GAS7: variants seen among roughly 807,000 people sequenced by gnomAD.
GAS7 encodes growth arrest-specific protein 7.
In GAS7, 28 loss-of-function variants were observed where a neutral mutation model predicts 71.1. The ratio of observed to expected loss-of-function variants is 0.39; its 90% CI spans 0.29 to 0.54. The LOEUF (loss-of-function observed/expected upper bound fraction) is 0.54. GAS7 is among the 20% of genes least tolerant of loss of function. The pLI, the probability that GAS7 is intolerant of heterozygous loss-of-function variation, is 0.62. For synonymous variants in GAS7, 258 were observed against 245.8 expected (o/e 1.05, Z -0.46); for missense variants, 436 against 627.8 (o/e 0.69, Z 3.27).
Position 9,974,155 on chromosome 17 carries a change from G to T in GAS7, c.386-4393C>A, listed in dbSNP as rs2070086692. 6.6e-6 allele frequency among the ~76,000 whole-genome samples: 1 copy of T among 152,218 alleles called. No homozygotes were observed. The highest frequency in any genetic ancestry group is 6.5e-5 in the Admixed American group (1 of 15,272). ...CAGCTGATGGCTAATTACTGCTCATGTCAAAACAATTACGAGGAAAGAAAA... is the reference window on the plus strand; with the variant it reads ...CAGCTGATGGCTAATTACTGCTCATTTCAAAACAATTACGAGGAAAGAAAA... On this transcript the variant is annotated intron_variant, in intron 3 of 13. Coordinates refer to ENST00000432992, the MANE Select transcript of GAS7 (RefSeq NM_201433.2). This position sits in a 1 kb window ranked among gnomAD's most constrained non-coding sequence, Gnocchi z 4.0.
At chr17:10,004,551 T>A (rs1015380409) in intron 2 of GAS7, among the ~76,000 whole-genome samples, 5 of 152,130 alleles carry the variant, frequency 3.3e-5, no homozygotes, top group Non-Finnish European at 7.3e-5. Context: ...GCGCTAATGT[T>A]GGACACACAT....
At chr17:10,133,122 A>ATATTT (rs1392845338) in intron 1 of GAS7, among the ~76,000 whole-genome samples, 1 of 118,888 alleles carries the variant, frequency 8.4e-6, no homozygotes, top group East Asian at 2.2e-4. Context: ...ATATTTTTAT[A>ATATTT]TTTTTTTTTT....
rs1186611979 is a variant in GAS7, at chr17:9,919,478, T to A, written c.1218+148A>T. On this transcript the variant is annotated intron_variant, in intron 12 of 13. Coordinates refer to ENST00000432992, the MANE Select transcript of GAS7 (RefSeq NM_201433.2). This position sits in a 1 kb window ranked among gnomAD's most constrained non-coding sequence, Gnocchi z 5.0. ...CTGAATCCACATAAGCTGGCTCACA[T>A]TGAGGTTTCGACCCCAACACTGAAG... 4.2e-5 allele frequency: 30 copies of A among 716,966 alleles called. No individual in the cohort carries two copies. The highest frequency in any genetic ancestry group is 6.7e-5 in the Non-Finnish European group (26 of 390,912). 44.4% of individuals were successfully genotyped at this position (716,966 alleles called of 1,614,324 possible). A position where few individuals can be genotyped will look rare whatever the true frequency, so the allele number is the denominator to read the frequency against.
chr17:10,012,236 A>G (rs2071802725), intron 2 of GAS7, among the ~76,000 whole-genome samples: 1 of 152,182 alleles, frequency 6.6e-6, no homozygotes. Context: ...CTGAATACCT[A>G]TGACTATATT....
intron 5 of GAS7, among the ~76,000 whole-genome samples, chr17:9,955,272 C>T (rs568911971): frequency 6.6e-6 from 1 of 152,176 alleles, no homozygotes; most frequent in East Asian, 1.9e-4. Context: ...TGTCCTCCCC[C>T]CGGTTACATT....
intron 1 of GAS7, among the ~76,000 whole-genome samples, chr17:10,039,204 T>C (rs944318522): frequency 5.4e-5 from 8 of 149,450 alleles, no homozygotes; most frequent in Non-Finnish European, 1.0e-4. Flanking sequence ...GTGGATTTCA[T>C]GTCATGCATA....
intron 1 of GAS7, among the ~76,000 whole-genome samples, chr17:10,137,894 A>G (rs990158569): frequency 1.3e-5 from 2 of 151,952 alleles, no homozygotes; most frequent in Non-Finnish European, 2.9e-5. Flanking sequence ...AGGGAAAGGA[A>G]AGAGTTTTTG....
intron 11 of GAS7, among the ~76,000 whole-genome samples, chr17:9,925,180 C>T (rs902495046): frequency 2.4e-5 from 3 of 124,068 alleles, no homozygotes; most frequent in Non-Finnish European, 3.6e-5. Context: ...GGGGCTTGGG[C>T]GGAAAACAAA....
chr17:10,003,583 C>T (rs1372814888), intron 2 of GAS7, among the ~76,000 whole-genome samples: 1 of 152,212 alleles, frequency 6.6e-6, no homozygotes, highest in Non-Finnish European at 1.5e-5. Flanking sequence ...ACTGACCTCA[C>T]AGAAGCGACT....
At chr17:9,925,678 C>T in intron 10 of GAS7, 79 bp from the exon 11 acceptor site, 2 of 1,501,534 alleles carry the variant, frequency 1.3e-6, no homozygotes, top group African/African-American at 2.8e-5. Context: ...CCCAGCTTCC[C>T]TTTGGAGTCC....
intron 2 of GAS7, among the ~76,000 whole-genome samples, chr17:9,990,119 A>T: frequency 6.6e-6 from 1 of 152,034 alleles, no homozygotes. Context: ...AATACAAAAA[A>T]TTAGCCGGGC....
At position 10,026,177 on chromosome 17, in the gene GAS7, A is replaced by G. The variant is rs1044005704; in HGVS notation, c.184-6280T>C. On this transcript the variant is annotated intron_variant, in intron 1 of 13. Transcript: ENST00000432992. This position sits in a 1 kb window ranked among gnomAD's most constrained non-coding sequence, Gnocchi z 4.5. ...TATCCTAAAGCCGTGAGCAAACGCTACTCGCTGGTGTTAATGGGTGGTCGT... is the reference window on the plus strand; with the variant it reads ...TATCCTAAAGCCGTGAGCAAACGCTGCTCGCTGGTGTTAATGGGTGGTCGT... 4 of 985,170 alleles carry G rather than the reference A, an allele frequency of 4.1e-6. No homozygotes were observed. The African/African-American group carries it at 7.0e-5, about 17-fold the overall frequency. 61.0% of individuals were successfully genotyped at this position (985,170 alleles called of 1,614,324 possible).
chr17:9,944,198 G>C (rs937269425), intron 6 of GAS7, among the ~76,000 whole-genome samples: 2 of 152,120 alleles, frequency 1.3e-5, no homozygotes, highest in Admixed American at 1.3e-4. Flanking sequence ...ACATCTGCCC[G>C]CACGGCCGTG....
chr17:10,135,236 C>T (rs186714193), intron 1 of GAS7, among the ~76,000 whole-genome samples: 1 of 152,264 alleles, frequency 6.6e-6, no homozygotes, highest in Non-Finnish European at 1.5e-5. Flanking sequence ...TGGAAAGAGG[C>T]AGTAATCCCC....
At chr17:9,940,737 C>T (rs934958426) in intron 7 of GAS7, among the ~76,000 whole-genome samples, 8 of 152,192 alleles carry the variant, frequency 5.3e-5, no homozygotes, top group African/African-American at 1.7e-4. Context: ...CTAGCAGTGC[C>T]CAGGGCTGCA....
rs577692936 is a variant in GAS7, at chr17:10,116,616, G to A, written c.183+81592C>T. On this transcript the variant is annotated intron_variant, in intron 1 of 13. Coordinates refer to ENST00000432992, the MANE Select transcript of GAS7 (RefSeq NM_201433.2). ...TGCGGGTAGGGAGTGGGTCTGAAGTGGACTTAGAGGGCAGCTGGCAGAGAC... is the reference window on the plus strand; with the variant it reads ...TGCGGGTAGGGAGTGGGTCTGAAGTAGACTTAGAGGGCAGCTGGCAGAGAC... Among the ~76,000 whole-genome samples, 5 of 152,240 alleles carry A rather than the reference G, an allele frequency of 3.3e-5. No individual in the cohort carries two copies. The East Asian group carries it at 9.7e-4, about 29-fold the overall frequency.
At chr17:9,956,805 T>C (rs2069257694) in intron 5 of GAS7, among the ~76,000 whole-genome samples, 1 of 152,196 alleles carries the variant, frequency 6.6e-6, no homozygotes, top group South Asian at 2.1e-4. Flanking sequence ...GCTCACCTCA[T>C]CCCTACACAC....
At chr17:10,033,888 A>G (rs1431164412) in intron 1 of GAS7, among the ~76,000 whole-genome samples, 3 of 152,168 alleles carry the variant, frequency 2.0e-5, no homozygotes, top group Non-Finnish European at 4.4e-5. Flanking sequence ...GATTCTAATC[A>G]AAGACTTCTG....
chr17:10,057,570 C>G (rs977311327), intron 1 of GAS7, among the ~76,000 whole-genome samples: 4 of 151,978 alleles, frequency 2.6e-5, no homozygotes, highest in Non-Finnish European at 5.9e-5. Flanking sequence ...GCCGCCCCGT[C>G]AGGGAGGGAG....
Sources: gnomAD v4.1 joint callset for allele counts (sites outside exome capture counted in the v4.1 genomes callset) on GRCh38, gnomAD v4.1.1 for gene constraint, Gnocchi (gnomAD v3.1) non-coding constraint, MANE v1.5 for transcripts, NCBI Gene and HGNC (gene_info 2026-07-23, HGNC 2026-07-21) for gene names.